RTL9: variants seen among roughly 807,000 people sequenced by gnomAD.
RTL9 encodes the protein retrotransposon Gag-like protein 9.
RTL9 carries 19 observed loss-of-function variants against 44.7 expected under a neutral mutation model. The ratio of observed to expected loss-of-function variants is 0.42; its 90% CI spans 0.30 to 0.62. The LOEUF (loss-of-function observed/expected upper bound fraction) is 0.62. RTL9 is among the 20% of genes least tolerant of loss of function. The pLI is 0.16. For missense variants in RTL9, 1,105 were observed against 1,080.6 expected (o/e 1.02, Z -0.32); for synonymous variants, 407 against 398.9 (o/e 1.02, Z -0.24).
At chrX:110,453,191 G>A (rs2068956793) in exon 1 of RTL9, 1 of 1,210,555 alleles carries the variant, frequency 8.3e-7, no homozygotes, top group Admixed American at 2.2e-5. Context: ...CTGGAGGGAT[G>A]TCCATGCCAC....
intron 1 of RTL9, among the ~76,000 whole-genome samples, chrX:110,379,711 T>A (rs1367906295): frequency 8.9e-6 from 1 of 111,756 alleles, no homozygotes; most frequent in African/African-American, 3.3e-5. Context: ...CAATGGTAAA[T>A]GGGGAAGCAA....
chrX:110,454,487 C>T (rs2068968700), exon 1 of RTL9: 1 of 1,211,883 alleles, frequency 8.3e-7, no homozygotes, highest in African/African-American at 1.7e-5. Flanking sequence ...GTCGGATCTT[C>T]CTGAAGGTGG....
intron 1 of RTL9, among the ~76,000 whole-genome samples, chrX:110,371,937 T>C: frequency 9.0e-6 from 1 of 111,601 alleles, no homozygotes; most frequent in East Asian, 2.8e-4. Flanking sequence ...CTCACTTCCC[T>C]GTTGAATATG....
intron 1 of RTL9, among the ~76,000 whole-genome samples, chrX:110,398,899 A>G (rs1212608575): frequency 8.9e-6 from 1 of 112,298 alleles, no homozygotes; most frequent in Non-Finnish European, 1.9e-5. Context: ...GCTGTTTGGA[A>G]TTCCGTGCTG....
At chrX:110,455,052 A>T (rs2068972513) in intron 1 of RTL9, 150 bp from the exon 4 acceptor site, 1 of 734,807 alleles carries the variant, frequency 1.4e-6, no homozygotes, top group East Asian at 3.2e-5. Context: ...CTAGGGAATT[A>T]GAATAGCCTA....
At chrX:110,363,609 A>T (rs972866971) in intron 1 of RTL9, among the ~76,000 whole-genome samples, 1 of 111,752 alleles carries the variant, frequency 8.9e-6, no homozygotes, top group African/African-American at 3.3e-5. Flanking sequence ...TTATAGAGAG[A>T]AAAATAAAAA....
intron 1 of RTL9, among the ~76,000 whole-genome samples, chrX:110,385,892 C>G (rs909072607): frequency 1.8e-5 from 2 of 111,752 alleles, no homozygotes; most frequent in African/African-American, 6.5e-5. Flanking sequence ...GTGTTTAGCT[C>G]CCACTTACAA....
intron 1 of RTL9, among the ~76,000 whole-genome samples, chrX:110,365,549 T>C (rs17003967): frequency 0.073 from 8,199 of 111,612 alleles, 437 homozygotes; most frequent in African/African-American, 0.18. Context: ...ATTTACATAA[T>C]AACTTTTGGG....
Position 110,452,321 on chromosome X carries a change from A to C in RTL9, c.1704A>C (p.Lys568Asn). 11 of 1,211,710 alleles carry C rather than the reference A, an allele frequency of 9.1e-6. No individual in the cohort carries two copies. The highest frequency in any genetic ancestry group is 1.2e-5 in the Non-Finnish European group (11 of 895,512). The change falls in exon 1 of 2, where the codon AAA becomes AAC. Residue 568 changes from lysine (K) to asparagine (N), a missense_variant. Transcript: ENST00000540313. ...GATTGACATCTGCAGCACAGATGAA[A>C]GCCATGACTTCTGGAGCAATGTCCA...
chrX:110,413,447 CCTT>C lies in RTL9; in HGVS notation c.-167-31703_-167-31701del, dbSNP rs1323449064. On this transcript the variant is annotated intron_variant, in intron 1 of 2. Transcript: ENST00000520821. Reference sequence around the variant, plus strand: ...CCTCCGTCCTCAGCCAAGAACTCCTCCTTCTCATGCCATCTGGCTACTTCTCTC... The same window carrying C: ...CCTCCGTCCTCAGCCAAGAACTCCTCCTCATGCCATCTGGCTACTTCTCTC... Among the ~76,000 whole-genome samples the C allele has an allele frequency of 4.0e-4, 44 of 110,599 alleles. No homozygotes were observed. In the East Asian group the frequency reaches 6.6e-3, roughly 17 times the overall value.
At chrX:110,409,245 T>C (rs1054059888) in intron 1 of RTL9, among the ~76,000 whole-genome samples, 4 of 110,829 alleles carry the variant, frequency 3.6e-5, no homozygotes, top group Non-Finnish European at 7.6e-5. Flanking sequence ...ATCCCAGTTA[T>C]CAGAAGAGAA....
chrX:110,432,027 G>A lies in RTL9; in HGVS notation c.-168+12892G>A, dbSNP rs149966537. On this transcript the variant is annotated intron_variant, in intron 1 of 3. Coordinates refer to the RTL9 transcript ENST00000465301. ...TACTAAGGGTTTGGGGAGGGTTTAT[G>A]TGTTTATTCACCCATTCATTTATTC... Among the ~76,000 whole-genome samples, 90 of 112,057 alleles carry A rather than the reference G, an allele frequency of 8.0e-4. 2 individuals are homozygous for A. In the East Asian group the frequency reaches 0.017, roughly 22 times the overall value.
At chrX:110,438,758 A>G (rs150577354) in intron 1 of RTL9, among the ~76,000 whole-genome samples, 1,719 of 111,689 alleles carry the variant, frequency 0.015, 19 homozygotes, top group Non-Finnish European at 0.023. Context: ...AACACAAATT[A>G]GAAGCTGTTT....
chrX:110,450,344 A>G (rs1188796461), upstream of RTL9, among the ~76,000 whole-genome samples: 1 of 111,516 alleles, frequency 9.0e-6, no homozygotes, highest in Non-Finnish European at 1.9e-5. Context: ...AGCATTTACA[A>G]ACTGAGAGGC....
chrX:110,452,669 G>A, exon 1 of RTL9: 1 of 1,211,423 alleles, frequency 8.3e-7, no homozygotes, highest in Non-Finnish European at 1.1e-6. Flanking sequence ...CATCACAAAT[G>A]ACAGCCACAG....
At chrX:110,453,092 C>G in exon 1 of RTL9, 1 of 1,211,551 alleles carries the variant, frequency 8.3e-7, no homozygotes, top group Non-Finnish European at 1.1e-6. Flanking sequence ...AAATGACAGC[C>G]ACAGCCTCTG....
chrX:110,403,807 T>C (rs1368523492), intron 1 of RTL9, among the ~76,000 whole-genome samples: 1 of 112,675 alleles, frequency 8.9e-6, no homozygotes, highest in Non-Finnish European at 1.9e-5. Flanking sequence ...GAAATATCAA[T>C]GTACTTGATT....
intron 1 of RTL9, among the ~76,000 whole-genome samples, chrX:110,360,861 T>C (rs1471590194): frequency 1.8e-5 from 2 of 111,223 alleles, no homozygotes; most frequent in Non-Finnish European, 3.8e-5. Flanking sequence ...ACAGGAAGAA[T>C]TGATAGGATT....
exon 1 of RTL9, chrX:110,452,440 C>A (rs143942191): frequency 8.3e-7 from 1 of 1,209,607 alleles, no homozygotes; most frequent in African/African-American, 1.8e-5. Context: ...CAAATGAGAT[C>A]TCTGGCCTCT....
Sources: allele counts gnomAD v4.1 joint callset (sites outside exome capture counted in the v4.1 genomes callset), GRCh38; gene constraint gnomAD v4.1.1; transcripts MANE v1.5; gene names NCBI Gene and HGNC (gene_info 2026-07-23, HGNC 2026-07-21).